EXD3: variants seen among roughly 807,000 people sequenced by gnomAD.
EXD3 encodes the protein exonuclease mut-7 homolog.
EXD3 carries 92 observed loss-of-function variants against 98.0 expected under a neutral mutation model. The ratio of observed to expected loss-of-function variants is 0.94; its 90% CI spans 0.79 to 1.12. The LOEUF (loss-of-function observed/expected upper bound fraction) is 1.12, where lower values mean the gene tolerates loss of function less well. EXD3 is among the 50% of genes most tolerant of loss of function. EXD3 has a pLI of 0.00. For synonymous variants in EXD3, 569 were observed against 526.0 expected, an observed-to-expected ratio of 1.08 and a Z score of -1.12; for missense variants, 1,222 against 1,191.6, an observed-to-expected ratio of 1.03 and a Z score of -0.38.
chr9:137,383,226 G>A (rs894905587), intron 3 of EXD3, 87 bp downstream of exon 3: 7 of 1,134,322 alleles, frequency 6.2e-6, no homozygotes, highest in Admixed American at 6.0e-5. Flanking sequence ...TTCCTGACCA[G>A]GGAGGCCTCC....
At chr9:137,351,838 C>T (rs530179921) in intron 12 of EXD3, among the ~76,000 whole-genome samples, 6 of 152,346 alleles carry the variant, frequency 3.9e-5, no homozygotes, top group African/African-American at 7.2e-5. Flanking sequence ...GGGGATTCCA[C>T]GGCACCTTCC....
rs760023380 is a variant in EXD3 at position 137,395,340 on chromosome 9, G to A, written c.18C>T (p.Pro6=). 15 of 1,613,184 alleles carry A rather than the reference G, an allele frequency of 9.3e-6. No individual in the cohort carries two copies. The highest frequency in any genetic ancestry group is 3.3e-5 in the Admixed American group (2 of 60,008). Residue 6 remains proline, a synonymous_variant, in exon 2 of 22, where the codon CCC becomes CCT. Coordinates refer to ENST00000340951, the MANE Select transcript of EXD3 (RefSeq NM_017820.5). The surrounding 1 kb of genome is among the most constrained non-coding windows in gnomAD (Gnocchi z 6.5). MDPGD[P]AGDPAAGERH... is the part of the protein sequence containing the mutation. ...GCTCGCCAGCGGCAGGGTCACCAGC[G>A]GGATCTCCTGGGTCCATCCTCAGGG...
In EXD3 at chr9:137,370,644, T is replaced by C. The variant is rs1023491188; in HGVS notation, c.462+2261A>G. 3.4e-4 allele frequency among the ~76,000 whole-genome samples: 51 copies of C among 148,588 alleles called. 1 individual carries two copies. Among genetic ancestry groups the C allele is most frequent in the African/African-American group, 1.2e-3 (49 of 40,472 alleles). On this transcript the variant is annotated intron_variant, in intron 5 of 21. Transcript: ENST00000340951. ...AAGAAAATCAGGAGGGGCTGTGGTA[T>C]CGACCATCGGGAAGGGCATTCCCCG...
At position 137,307,098 on chromosome 9, in the gene EXD3, C is replaced by T. The variant is rs746694933; in HGVS notation, c.2483G>A (p.Cys828Tyr). ...VGVLRTPGLR[C>Y]FYCCTGCGKV... ...TCCACAGCCCGTGCAGCAGTAGAAGCACCGCAGCCCAGGTGTCCTCAGCAC... is the reference window on the plus strand; with the variant it reads ...TCCACAGCCCGTGCAGCAGTAGAAGTACCGCAGCCCAGGTGTCCTCAGCAC... The change falls in exon 22 of 22, where the codon TGC (cysteine) becomes TAC (tyrosine). Residue 828 changes from cysteine (C) to tyrosine (Y), a missense_variant. By Grantham distance (194) the Cys-to-Tyr change is radical (BLOSUM62 -2). Coordinates refer to ENST00000340951, the MANE Select transcript of EXD3 (RefSeq NM_017820.5). 3.1e-6 allele frequency: 5 copies of T among 1,609,698 alleles called. No individual in the cohort carries two copies. The South Asian group carries it at 5.5e-5, about 18-fold the overall frequency.
Position 137,393,569 on chromosome 9 carries a change from C to T in EXD3, c.55+1734G>A, listed in dbSNP as rs899274205. 6.6e-6 allele frequency among the ~76,000 whole-genome samples: 1 copy of T among 152,222 alleles called. No homozygotes were observed. Among genetic ancestry groups the T allele is most frequent in the Admixed American group, 6.5e-5 (1 of 15,288 alleles). On this transcript the variant is annotated intron_variant, in intron 2 of 21. Transcript: ENST00000340951. The surrounding 1 kb of genome is among the most constrained non-coding windows in gnomAD (Gnocchi z 4.6). ...TGGCTACATCAGGGAAGGCGACATG[C>T]CCGGAGGTGCCCCCACAGCCCTCAG...
At chr9:137,339,899 G>C (rs1179360081) in intron 17 of EXD3, among the ~76,000 whole-genome samples, 1 of 152,104 alleles carries the variant, frequency 6.6e-6, no homozygotes, top group East Asian at 1.9e-4. Context: ...AATGAAATAA[G>C]ATAAAGAAGG....
At chr9:137,309,746 G>A in intron 19 of EXD3, 46 bp from the exon 20 acceptor site, 1 of 1,451,210 alleles carries the variant, frequency 6.9e-7, no homozygotes. Context: ...GCTTCTCCGG[G>A]TGCCCCATAC....
intron 2 of EXD3, among the ~76,000 whole-genome samples, chr9:137,389,662 G>A (rs1009324216): frequency 1.3e-5 from 2 of 152,282 alleles, no homozygotes; most frequent in East Asian, 1.9e-4. Flanking sequence ...GGGACAGAGA[G>A]GGACAGTGAG....
chr9:137,327,137 T>C (rs78001012), intron 17 of EXD3, among the ~76,000 whole-genome samples: 1 of 139,264 alleles, frequency 7.2e-6, no homozygotes, highest in Non-Finnish European at 1.5e-5. Flanking sequence ...TACGGAGTCT[T>C]TTTTTTTTTT....
chr9:137,328,168 T>C (rs1043114095), intron 17 of EXD3, among the ~76,000 whole-genome samples: 1 of 133,856 alleles, frequency 7.5e-6, no homozygotes, highest in Non-Finnish European at 1.6e-5. Context: ...TAAAAACAAC[T>C]AATATACACC....
rs953542594 is a variant in EXD3 at position 137,393,897 on chromosome 9, C to G, written c.55+1406G>C. Among the ~76,000 whole-genome samples, 1 of 152,168 alleles carries G rather than the reference C, an allele frequency of 6.6e-6. No homozygotes were observed. Among genetic ancestry groups the G allele is most frequent in the African/African-American group, 2.4e-5 (1 of 41,422 alleles). On this transcript the variant is annotated intron_variant, in intron 2 of 21. Transcript: ENST00000340951. The surrounding 1 kb of genome is among the most constrained non-coding windows in gnomAD (Gnocchi z 4.6). The stretch of plus-strand genomic sequence containing the variant: ...GCGGCTGGGCCAGGGCCTTACAGCT[C>G]TCACTGCTGTTTACAAGGACTGCAG...
intron 19 of EXD3, among the ~76,000 whole-genome samples, chr9:137,322,578 T>C (rs1387182301): frequency 1.8e-5 from 1 of 55,240 alleles, no homozygotes; most frequent in African/African-American, 7.9e-5. Flanking sequence ...TGCCGACACC[T>C]CACCCCGGAC....
chr9:137,387,924 T>A (rs1467153253), intron 2 of EXD3, among the ~76,000 whole-genome samples: 1 of 152,186 alleles, frequency 6.6e-6, no homozygotes, highest in East Asian at 1.9e-4. Context: ...GCTGCACCGA[T>A]GCCTGGGACC....
At chr9:137,378,486 C>T (rs546821825) in intron 3 of EXD3, among the ~76,000 whole-genome samples, 1 of 152,314 alleles carries the variant, frequency 6.6e-6, no homozygotes, top group East Asian at 1.9e-4. Context: ...GCTGGGATTA[C>T]AGCCGTGAGC....
At chr9:137,307,504 C>G in intron 21 of EXD3, 104 bp downstream of exon 21, 1 of 1,443,452 alleles carries the variant, frequency 6.9e-7, no homozygotes, top group African/African-American at 1.4e-5. Context: ...CCCCACAGAG[C>G]CCCCTCTGCC....
intron 19 of EXD3, among the ~76,000 whole-genome samples, chr9:137,320,630 C>T (rs911413707): frequency 5.3e-5 from 8 of 152,114 alleles, no homozygotes; most frequent in South Asian, 2.1e-4. Flanking sequence ...GCTCAGCCCC[C>T]GACGCCCCCA....
At chr9:137,404,887 C>T (rs1837643057) in intron 1 of EXD3, among the ~76,000 whole-genome samples, 1 of 151,698 alleles carries the variant, frequency 6.6e-6, no homozygotes. Context: ...CTAAAAGCCA[C>T]AGTCCCCTCC....
At chr9:137,326,797 T>C (rs1162956141) in intron 17 of EXD3, among the ~76,000 whole-genome samples, 3 of 152,114 alleles carry the variant, frequency 2.0e-5, no homozygotes, top group Non-Finnish European at 4.4e-5. Context: ...TGAAGGTTCC[T>C]CAAGAAGTTA....
At chr9:137,322,305 C>A (rs908146463) in intron 19 of EXD3, among the ~76,000 whole-genome samples, 2 of 151,830 alleles carry the variant, frequency 1.3e-5, no homozygotes, top group Non-Finnish European at 2.9e-5. Flanking sequence ...GCCATGCCAG[C>A]CTGCACTAGG....
Sources: allele counts gnomAD v4.1 joint callset (sites outside exome capture counted in the v4.1 genomes callset), GRCh38; gene constraint gnomAD v4.1.1; non-coding constraint Gnocchi (gnomAD v3.1); transcripts MANE v1.5; gene names NCBI Gene and HGNC (gene_info 2026-07-23, HGNC 2026-07-21).